Variants in CUBN observed in about 807,000 individuals in gnomAD.
CUBN encodes 460 kDa receptor.
A neutral mutation model predicts 405.3 loss-of-function variants in CUBN; 282 were observed. That is an observed-to-expected ratio of 0.70 (90% CI 0.63 to 0.77). The LOEUF is 0.77. Ranked by LOEUF, CUBN falls within the 30% of genes least tolerant of loss-of-function variation. The probability of loss-of-function intolerance (pLI) is 0.00; values close to 1 mark genes in which losing one functional copy is unlikely to be tolerated. For synonymous variants in CUBN, 1,684 were observed against 1,617.0 expected, an observed-to-expected ratio of 1.04 and a Z score of -0.99; for missense variants, 4,514 against 4,475.2, an observed-to-expected ratio of 1.01 and a Z score of -0.25.
Position 16,925,851 on chromosome 10 carries a change from G to C in CUBN, c.6272-77C>G, listed in dbSNP as rs191612012. 26 of 1,365,208 alleles carry C rather than the reference G, an allele frequency of 1.9e-5. 1 individual carries two copies. In the Middle Eastern group the frequency reaches 8.9e-4, roughly 47 times the overall value. The allele number at this position is 1,365,208 out of a possible 1,614,324, so 84.6% of individuals were successfully genotyped here. A position where few individuals can be genotyped will look rare whatever the true frequency, so the allele number is the denominator to read the frequency against. ...TTTTTATGCTTTCTTAGTTTTCTTG[G>C]GGGGTTTTCAAAGTGGAGGCAATAA... On this transcript the variant is annotated intron_variant, in intron 41 of 66. Coordinates refer to ENST00000377833, the MANE Select transcript of CUBN (RefSeq NM_001081.4).
At chr10:17,027,283 G>T (rs1026204873) in intron 27 of CUBN, among the ~76,000 whole-genome samples, 4 of 152,128 alleles carry the variant, frequency 2.6e-5, no homozygotes, top group African/African-American at 2.4e-5. Flanking sequence ...TTCACAACAG[G>T]AATTGGTGGC....
intron 28 of CUBN, among the ~76,000 whole-genome samples, chr10:17,001,196 C>CA (rs1169026298): frequency 6.6e-6 from 1 of 152,196 alleles, no homozygotes; most frequent in Non-Finnish European, 1.5e-5. Context: ...GTGAGTGTTA[C>CA]AGCTCATAAA....
rs552636342 is a variant in CUBN at position 16,903,932 on chromosome 10, G to A, written c.8062+34C>T. ...GGAAAAAAATCATTAATCTTTATAA[G>A]TAATTTTATCAAGATCTTAATTATA... is the stretch of plus-strand genomic sequence containing the variant. On this transcript the variant is annotated intron_variant, in intron 51 of 66. Transcript: ENST00000377833. 5.6e-6 allele frequency: 8 copies of A among 1,427,020 alleles called. No individual in the cohort carries two copies. In the East Asian group the frequency reaches 7.4e-5, roughly 13 times the overall value. The allele number at this position is 1,427,020 out of a possible 1,614,324, so 88.4% of individuals were successfully genotyped here.
intron 17 of CUBN, among the ~76,000 whole-genome samples, chr10:17,076,101 A>C (rs1190602792): frequency 6.6e-6 from 1 of 152,152 alleles, no homozygotes; most frequent in African/African-American, 2.4e-5. Context: ...AAGAAGGAAA[A>C]AAAACAGCCA....
chr10:17,045,007 A>G lies in CUBN; in HGVS notation c.3672T>C (p.Ala1224=), dbSNP rs768069460. The change falls in exon 25 of 67, where the codon GCT becomes GCC. Residue 1224 remains alanine (A), a splice_region_variant and synonymous_variant. Transcript: ENST00000377833. The part of the protein sequence containing the change: ...HHPNCTLDYL[A]VYDGPSSNSH... ...AATATGATGGAAACATTATACATAC[A>G]GCCAGGTAATCTAAAGTGCAGTTTG... The G allele has an allele frequency of 6.2e-7, 1 of 1,613,752 alleles. No individual in the cohort carries two copies. Among genetic ancestry groups the G allele is most frequent in the Non-Finnish European group, 8.5e-7 (1 of 1,179,640 alleles).
intron 32 of CUBN, 34 bp downstream of exon 32, chr10:16,954,355 C>G: frequency 6.2e-7 from 1 of 1,613,584 alleles, no homozygotes; most frequent in Non-Finnish European, 8.5e-7. Flanking sequence ...CTGAAGATTT[C>G]TCTTGTGCCT....
rs763374850 is a variant in CUBN at position 16,946,288 on chromosome 10, AC to A, written c.5342+946del. On this transcript the variant is annotated intron_variant, in intron 36 of 66. Transcript: ENST00000377833. Reference sequence around the variant, plus strand: ...ATTAAAATGTGTGCTTTTTACATCTACTCTAGGACATATTATTGTTGCTGTC... The same window carrying A: ...ATTAAAATGTGTGCTTTTTACATCTATCTAGGACATATTATTGTTGCTGTC... 3.6e-3 allele frequency among the ~76,000 whole-genome samples: 540 copies of A among 152,080 alleles called. 12 individuals are homozygous for A. Among genetic ancestry groups the A allele is most frequent in the Admixed American group, 2.3e-3 (35 of 15,266 alleles).
In CUBN at chr10:17,103,256, A is replaced by T; in HGVS notation, c.1418-19T>A. 1.4e-6 allele frequency: 2 copies of T among 1,477,986 alleles called. No homozygotes were observed. The highest frequency in any genetic ancestry group is 9.5e-7 in the Non-Finnish European group (1 of 1,055,666). The allele number at this position is 1,477,986 out of a possible 1,614,324, so 91.6% of individuals were successfully genotyped here. On this transcript the variant is annotated intron_variant, in intron 12 of 66. Coordinates refer to ENST00000377833, the MANE Select transcript of CUBN (RefSeq NM_001081.4). ...CCACAAACTGCAAAGGAAAAGATGA[A>T]CTGTGCTTTTCAGAGGTTCCTAAAA... is the stretch of plus-strand genomic sequence containing the variant.
At chr10:17,127,210 CTT>C (rs10550610) in intron 3 of CUBN, among the ~76,000 whole-genome samples, 20,890 of 148,090 alleles carry the variant, frequency 0.14, 1,553 homozygotes, top group African/African-American at 0.17. Flanking sequence ...CTCTGTCTTT[CTT>C]TCTCTCTCTC....
At chr10:16,879,755 C>G (rs565245614) in intron 56 of CUBN, among the ~76,000 whole-genome samples, 2 of 152,084 alleles carry the variant, frequency 1.3e-5, no homozygotes, top group East Asian at 3.9e-4. Flanking sequence ...ACCAACTCTC[C>G]GAGAGATTTG....
At chr10:17,104,311 G>T in intron 12 of CUBN, 108 bp downstream of exon 12, 1 of 915,218 alleles carries the variant, frequency 1.1e-6, no homozygotes, top group Non-Finnish European at 1.8e-6. Flanking sequence ...CAGTATCTGA[G>T]CAACTGGACA....
chr10:17,123,788 T>A, intron 4 of CUBN, 99 bp from the exon 5 acceptor site: 1 of 768,828 alleles, frequency 1.3e-6, no homozygotes, highest in Non-Finnish European at 2.3e-6. Flanking sequence ...TCTTAATCAG[T>A]GGGGGTCTCC....
chr10:16,890,227 G>C, intron 55 of CUBN, 144 bp downstream of exon 55: 1 of 767,114 alleles, frequency 1.3e-6, no homozygotes, highest in Non-Finnish European at 2.3e-6. Flanking sequence ...TTGGAAGAAA[G>C]GTGTCTTCTT....
chr10:17,068,780 G>A lies in CUBN; in HGVS notation c.2626-10C>T, dbSNP rs1305891726. 6.3e-6 allele frequency: 10 copies of A among 1,599,174 alleles called. No homozygotes were observed. Among genetic ancestry groups the A allele is most frequent in the Non-Finnish European group, 7.7e-6 (9 of 1,167,156 alleles). On this transcript the variant is annotated splice_polypyrimidine_tract_variant and intron_variant, in intron 19 of 66. Coordinates refer to ENST00000377833, the MANE Select transcript of CUBN (RefSeq NM_001081.4). ...TGGAACTGCTACCAATCTAAAATTA[G>A]AGAAGATATGTTCAAATATGTTGTA...
chr10:16,917,054 C>T (rs1203417071), intron 45 of CUBN, among the ~76,000 whole-genome samples: 3 of 152,018 alleles, frequency 2.0e-5, no homozygotes, highest in Admixed American at 6.6e-5. Flanking sequence ...CCTCGTGATC[C>T]ACCTGCCTTA....
intron 54 of CUBN, among the ~76,000 whole-genome samples, chr10:16,897,896 G>A (rs780810): frequency 6.6e-6 from 1 of 151,934 alleles, no homozygotes; most frequent in African/African-American, 2.4e-5. Flanking sequence ...TCAATCCAGA[G>A]AAGGAATGAG....
intron 21 of CUBN, 27 bp downstream of exon 21, chr10:17,068,037 T>G (rs2131844615): frequency 6.4e-7 from 1 of 1,568,560 alleles, no homozygotes; most frequent in East Asian, 2.2e-5. Flanking sequence ...GTTTTATTGT[T>G]AAACAAACAA....
intron 6 of CUBN, among the ~76,000 whole-genome samples, chr10:17,116,258 A>G (rs556815883): frequency 1.1e-4 from 16 of 152,362 alleles, no homozygotes; most frequent in African/African-American, 3.6e-4. Context: ...TTTAAGTCCA[A>G]TGATAATCAA....
intron 36 of CUBN, among the ~76,000 whole-genome samples, chr10:16,945,902 T>C (rs1293918976): frequency 6.6e-6 from 1 of 152,084 alleles, no homozygotes; most frequent in Non-Finnish European, 1.5e-5. Context: ...AGAGGCTCTG[T>C]CTGATTGATG....
Sources: gnomAD v4.1 joint callset for allele counts (sites outside exome capture counted in the v4.1 genomes callset) on GRCh38, gnomAD v4.1.1 for gene constraint, MANE v1.5 for transcripts, NCBI Gene and HGNC (gene_info 2026-07-23, HGNC 2026-07-21) for gene names.